TRIT1: variants seen among roughly 807,000 people sequenced by gnomAD.
TRIT1 encodes the protein tRNA isopentenyltransferase 1, also known as tRNA dimethylallyltransferase.
Under a neutral mutation model 51.2 loss-of-function variants are expected in TRIT1, and 43 were observed. That is an observed-to-expected ratio of 0.84 (90% CI 0.66 to 1.08). The LOEUF is 1.08. Ranked by LOEUF, TRIT1 falls within the 50% of genes least tolerant of loss-of-function variation. The pLI is 0.00. For synonymous variants in TRIT1, 184 were observed against 203.9 expected (o/e 0.90, Z 0.83); for missense variants, 528 against 578.4 (o/e 0.91, Z 0.89).
Position 39,857,089 on chromosome 1 carries a change from T to G in TRIT1, c.315+188A>C, listed in dbSNP as rs78840578. Among the ~76,000 whole-genome samples, 49 of 152,334 alleles carry G rather than the reference T, an allele frequency of 3.2e-4. 1 individual carries two copies. In the East Asian group the frequency reaches 9.1e-3, roughly 28 times the overall value. On this transcript the variant is annotated intron_variant, in intron 2 of 10. Coordinates refer to ENST00000316891, the MANE Select transcript of TRIT1 (RefSeq NM_017646.6). ...CCCAGAGAATGATGATGCCACAGTCTAAGGACAAGAATTTGGGTGACAAAG... is the reference window on the plus strand; with the variant it reads ...CCCAGAGAATGATGATGCCACAGTCGAAGGACAAGAATTTGGGTGACAAAG...
At chr1:39,870,799 G>C (rs186582689) in intron 1 of TRIT1, among the ~76,000 whole-genome samples, 2 of 152,182 alleles carry the variant, frequency 1.3e-5, no homozygotes, top group African/African-American at 2.4e-5. Context: ...CCCACTCTTA[G>C]GTATTTACTC....
Position 39,844,558 on chromosome 1 carries a change from A to G in TRIT1, c.1089T>C (p.Ala363=), listed in dbSNP as rs1202191224. The G allele has an allele frequency of 6.2e-7, 1 of 1,613,868 alleles. No homozygotes were observed. The highest frequency in any genetic ancestry group is 8.5e-7 in the Non-Finnish European group (1 of 1,179,876). Residue 363 remains alanine, a synonymous_variant, in exon 9 of 11, where the codon GCT becomes GCC. Coordinates refer to ENST00000316891, the MANE Select transcript of TRIT1 (RefSeq NM_017646.6). Reference sequence around the variant, plus strand: ...GGATGAAACTTTGCACGATTTCAAGAGCAGGTTCAAGAACAGACTCTTCCC... The same window carrying G: ...GGATGAAACTTTGCACGATTTCAAGGGCAGGTTCAAGAACAGACTCTTCCC... ...SKWEESVLEP[A]LEIVQSFIQG... is the part of the protein sequence containing the mutation.
At position 39,844,148 on chromosome 1, in the gene TRIT1, A is replaced by G. The variant is rs751306904; in HGVS notation, c.1187T>C (p.Leu396Pro). Residue 396 changes from leucine (L) to proline (P), a missense_variant, in exon 10 of 11, where the codon CTG becomes CCG. Around this residue, in one of 3 missense-constraint regions of TRIT1, gnomAD observed 468 missense variants for 522.6 expected, o/e 0.90. Coordinates refer to ENST00000316891, the MANE Select transcript of TRIT1 (RefSeq NM_017646.6). ...NEAENKRSYH[L>P]CDLCDRIIIG... ...GATGATTCGATCACAGAGGTCACAC[A>G]GGTGATAACTTCTCTTGTTCTCAGC... 1 of 1,614,174 alleles carries G rather than the reference A, an allele frequency of 6.2e-7. No individual in the cohort carries two copies. Among genetic ancestry groups the G allele is most frequent in the South Asian group, 1.1e-5 (1 of 91,086 alleles).
chr1:39,849,571 C>T (rs1018077288), intron 5 of TRIT1, among the ~76,000 whole-genome samples: 1 of 152,158 alleles, frequency 6.6e-6, no homozygotes, highest in Non-Finnish European at 1.5e-5. Context: ...TGTCTGTTGT[C>T]CCACTAGACT....
In TRIT1 at chr1:39,850,202, T is replaced by G. The variant is rs1188266589; in HGVS notation, c.620A>C (p.His207Pro). ...ISHSEFLHRQ[H>P]TEEGGGPLGG... ...AAGGGGACCACCACCTTCTTCCGTA[T>G]GTTGACGATGGAGAAATTCACTATG... is the stretch of plus-strand genomic sequence containing the variant. Residue 207 changes from histidine to proline, a missense_variant, in exon 5 of 11, where the codon CAT (histidine) becomes CCT (proline). This residue lies in a region of TRIT1 where 468 missense variants were observed against 522.6 expected (regional missense o/e 0.90). Coordinates refer to ENST00000316891, the MANE Select transcript of TRIT1 (RefSeq NM_017646.6). 1.9e-6 allele frequency: 3 copies of G among 1,614,058 alleles called. No homozygotes were observed. The highest frequency in any genetic ancestry group is 8.5e-7 in the Non-Finnish European group (1 of 1,180,042).
chr1:39,865,805 C>T (rs763411137), intron 1 of TRIT1, among the ~76,000 whole-genome samples: 2 of 150,632 alleles, frequency 1.3e-5, no homozygotes, highest in Non-Finnish European at 2.9e-5. Context: ...GCCATAATTG[C>T]ACCACTACAC....
chr1:39,860,780 A>G (rs1043671841), intron 1 of TRIT1, among the ~76,000 whole-genome samples: 1 of 152,190 alleles, frequency 6.6e-6, no homozygotes, highest in African/African-American at 2.4e-5. Flanking sequence ...TTCCATGACA[A>G]AAAGTTTATT....
Position 39,838,537 on chromosome 1 carries a change from T to C in TRIT1, c.*3207A>G, listed in dbSNP as rs1221595030. On this transcript the variant is annotated 3_prime_UTR_variant, in exon 11 of 11. Transcript: ENST00000316891. ...CCCAGGCTGGAATGCAGTGGCATGA[T>C]CATGTTTCACTGAAGCCTCAATCTC... 6.6e-6 allele frequency among the ~76,000 whole-genome samples: 1 copy of C among 152,202 alleles called. No homozygotes were observed. Among genetic ancestry groups the C allele is most frequent in the Non-Finnish European group, 1.5e-5 (1 of 68,044 alleles).
At chr1:39,861,743 G>C (rs1009835107) in intron 1 of TRIT1, among the ~76,000 whole-genome samples, 1 of 151,942 alleles carries the variant, frequency 6.6e-6, no homozygotes, top group African/African-American at 2.4e-5. Context: ...GACCAATATG[G>C]TGAAACCCTA....
intron 1 of TRIT1, among the ~76,000 whole-genome samples, chr1:39,877,289 G>C (rs527601980): frequency 7.4e-6 from 1 of 135,156 alleles, no homozygotes; most frequent in Non-Finnish European, 1.5e-5. Flanking sequence ...TTGGGGCCAA[G>C]AGTGTTCAAG....
At chr1:39,856,910 A>G (rs1642935294) in intron 2 of TRIT1, among the ~76,000 whole-genome samples, 1 of 152,222 alleles carries the variant, frequency 6.6e-6, no homozygotes, top group South Asian at 2.1e-4. Context: ...ACTGTAACAC[A>G]AATTTTCTGA....
chr1:39,872,068 A>ATTTTTTTT (rs59839907), intron 1 of TRIT1, among the ~76,000 whole-genome samples: 38 of 114,206 alleles, frequency 3.3e-4, no homozygotes, highest in East Asian at 1.6e-3. Context: ...GGCCTGACTA[A>ATTTTTTTT]TTTTTTTTTT....
chr1:39,875,475 G>A (rs193167352), intron 1 of TRIT1, among the ~76,000 whole-genome samples: 225 of 151,752 alleles, frequency 1.5e-3, no homozygotes, highest in African/African-American at 5.2e-3. Context: ...GTGACAGAGC[G>A]AGACTCTGTC....
intron 1 of TRIT1, among the ~76,000 whole-genome samples, chr1:39,872,095 G>C (rs992554873): frequency 1.2e-4 from 11 of 95,570 alleles, no homozygotes; most frequent in African/African-American, 5.5e-4. Flanking sequence ...TTTTTTTGTA[G>C]AGATGGGCTC....
intron 10 of TRIT1, among the ~76,000 whole-genome samples, chr1:39,842,258 A>G (rs888051057): frequency 3.9e-5 from 6 of 152,126 alleles, no homozygotes; most frequent in African/African-American, 1.4e-4. Context: ...AAGGTCACAC[A>G]GCAGGTAAAC....
intron 1 of TRIT1, among the ~76,000 whole-genome samples, chr1:39,871,794 G>C (rs185164903): frequency 6.6e-6 from 1 of 152,234 alleles, no homozygotes; most frequent in South Asian, 2.1e-4. Flanking sequence ...TAGGGTGATA[G>C]AACTGTTCAG....
chr1:39,847,013 A>C (rs1042201400), intron 8 of TRIT1: 2 of 530,356 alleles, frequency 3.8e-6, no homozygotes, highest in Middle Eastern at 4.9e-4. Flanking sequence ...CAGAAGGCAG[A>C]CTCCTCAATG....
chr1:39,848,231 T>G, intron 5 of TRIT1, 134 bp from the exon 6 acceptor site: 1 of 652,168 alleles, frequency 1.5e-6, no homozygotes, highest in African/African-American at 1.8e-5. Context: ...TTCCAAAGAT[T>G]ATTATAATAA....
In TRIT1 at chr1:39,847,241, C is replaced by A; in HGVS notation, c.985G>T (p.Val329Phe). 6.8e-6 allele frequency: 11 copies of A among 1,614,092 alleles called. No individual in the cohort carries two copies. Among genetic ancestry groups the A allele is most frequent in the Non-Finnish European group, 9.3e-6 (11 of 1,180,010 alleles). The part of the protein sequence containing the change: ...KRYARKQNRW[V>F]KNRFLSRPGP... Reference sequence around the variant, plus strand: ...TTACTGCTCAAAAAACGGTTTTTAACCCATCGGTTTTGTTTCCGGGCATAT... The same window carrying A: ...TTACTGCTCAAAAAACGGTTTTTAAACCATCGGTTTTGTTTCCGGGCATAT... Residue 329 changes from valine to phenylalanine, a missense_variant, in exon 8 of 11, where the codon GTT becomes TTT. Around this residue, in one of 3 missense-constraint regions of TRIT1, gnomAD observed 468 missense variants for 522.6 expected, o/e 0.90. Transcript: ENST00000316891.
Sources: gnomAD v4.1 joint callset for allele counts (sites outside exome capture counted in the v4.1 genomes callset) on GRCh38, gnomAD v4.1.1 for gene constraint, gnomAD v4.1.1 regional missense constraint, MANE v1.5 for transcripts, NCBI Gene and HGNC (gene_info 2026-07-23, HGNC 2026-07-21) for gene names.